The following CLRN1 variants were observed in gnomAD, a reference collection of about 807,000 sequenced individuals.
CLRN1 encodes the protein clarin 1, also known as clarin-1.
A neutral mutation model predicts 18.7 loss-of-function variants in CLRN1; 15 were observed. That is an observed-to-expected ratio of 0.80 (90% CI 0.54 to 1.23). CLRN1 has a LOEUF of 1.23. Among genes scored for constraint, CLRN1 ranks in the 50% most tolerant of loss-of-function variants. CLRN1 has a pLI of 0.00. For missense variants in CLRN1, 311 were observed against 277.5 expected, an observed-to-expected ratio of 1.12 and a Z score of -0.86; for synonymous variants, 104 against 102.9, an observed-to-expected ratio of 1.01 and a Z score of -0.07.
chr3:150,958,558 T>C (rs1362335381), intron 1 of CLRN1, among the ~76,000 whole-genome samples: 1 of 152,226 alleles, frequency 6.6e-6, no homozygotes, highest in Non-Finnish European at 1.5e-5. Flanking sequence ...CTCTCACGCA[T>C]CGTCTGTACT....
intron 1 of CLRN1, among the ~76,000 whole-genome samples, chr3:150,969,566 C>T (rs1384290893): frequency 1.3e-5 from 2 of 151,838 alleles, no homozygotes; most frequent in Admixed American, 6.6e-5. Flanking sequence ...ACCCTGTGTC[C>T]TCCCAAAGTG....
At chr3:150,939,549 G>T (rs1713687030) in intron 2 of CLRN1, among the ~76,000 whole-genome samples, 1 of 152,168 alleles carries the variant, frequency 6.6e-6, no homozygotes, top group Non-Finnish European at 1.5e-5. Context: ...CTCCTGAAGG[G>T]AGATTGTTAA....
intron 1 of CLRN1, among the ~76,000 whole-genome samples, chr3:150,959,326 A>G (rs1039775902): frequency 3.3e-5 from 5 of 152,154 alleles, no homozygotes; most frequent in African/African-American, 1.2e-4. Context: ...ATGTCAAGTA[A>G]TGTTATTTTC....
chr3:150,937,342 C>T (rs896007855), intron 2 of CLRN1, among the ~76,000 whole-genome samples: 2 of 152,122 alleles, frequency 1.3e-5, no homozygotes, highest in African/African-American at 4.8e-5. Context: ...ACATAATGGG[C>T]ACTCAGTCAA....
intron 1 of CLRN1, among the ~76,000 whole-genome samples, chr3:150,957,238 TACACAC>T (rs34726423): frequency 0.1 from 14,909 of 146,948 alleles, 849 homozygotes; most frequent in African/African-American, 0.16. Flanking sequence ...TCCCATTTTA[TACACAC>T]ACACACACAC....
chr3:150,952,198 T>C lies in CLRN1; in HGVS notation c.254-10437A>G, dbSNP rs113963475. Among the ~76,000 whole-genome samples the C allele has an allele frequency of 2.6e-5, 4 of 152,308 alleles. No homozygotes were observed. The Middle Eastern group carries it at 0.01, about 389-fold the overall frequency. ...ACGATGGTTCGATTTTTCAACATCA[T>C]GATGGTCTGAAAGTTATAAGCATTC... is the stretch of plus-strand genomic sequence containing the variant. On this transcript the variant is annotated intron_variant, in intron 1 of 2. Coordinates refer to ENST00000327047, the MANE Select transcript of CLRN1 (RefSeq NM_174878.3).
chr3:150,948,212 C>T lies in CLRN1; in HGVS notation c.254-6451G>A, dbSNP rs943113225. 2.0e-5 allele frequency among the ~76,000 whole-genome samples: 3 copies of T among 151,648 alleles called. No individual in the cohort carries two copies. The South Asian group carries it at 6.3e-4, about 32-fold the overall frequency. On this transcript the variant is annotated intron_variant, in intron 1 of 2. Coordinates refer to ENST00000327047, the MANE Select transcript of CLRN1 (RefSeq NM_174878.3). ...AACACAATTAGAAATGGGCCGGGCGCGGTGGCTCACGCCTGTAATCCCAGC... is the reference window on the plus strand; with the variant it reads ...AACACAATTAGAAATGGGCCGGGCGTGGTGGCTCACGCCTGTAATCCCAGC...
intron 1 of CLRN1, among the ~76,000 whole-genome samples, chr3:150,944,462 G>A (rs1714040291): frequency 6.6e-6 from 1 of 152,046 alleles, no homozygotes; most frequent in African/African-American, 2.4e-5. Flanking sequence ...ATCTAAGGGA[G>A]GCTATTTTCA....
intron 1 of CLRN1, chr3:150,942,762 G>GGT (rs201613555): frequency 0.048 from 13,040 of 273,220 alleles, 965 homozygotes; most frequent in East Asian, 0.28. Context: ...TCATTTAAGT[G>GGT]ACACTTCTCA....
intron 1 of CLRN1, among the ~76,000 whole-genome samples, chr3:150,953,235 A>G (rs1424131368): frequency 6.6e-6 from 1 of 152,240 alleles, no homozygotes; most frequent in African/African-American, 2.4e-5. Flanking sequence ...TCCAGAAAGT[A>G]TTTGATTAGC....
chr3:150,959,595 C>G (rs1034148407), intron 1 of CLRN1, among the ~76,000 whole-genome samples: 1 of 150,608 alleles, frequency 6.6e-6, no homozygotes, highest in Non-Finnish European at 1.5e-5. Context: ...CATCACTACC[C>G]TCCAGCCTGG....
At chr3:150,930,609 T>G (rs1243072330) in intron 2 of CLRN1, among the ~76,000 whole-genome samples, 2 of 152,218 alleles carry the variant, frequency 1.3e-5, no homozygotes, top group Admixed American at 1.3e-4. Context: ...ATTTCTTTAT[T>G]GTTAGATCCT....
intron 1 of CLRN1, among the ~76,000 whole-genome samples, chr3:150,945,087 T>A (rs998985862): frequency 1.3e-5 from 2 of 152,184 alleles, no homozygotes; most frequent in Non-Finnish European, 2.9e-5. Flanking sequence ...TGCACTTGCA[T>A]GGGCCTGATA....
chr3:150,963,279 CAGAG>C (rs1455991179), intron 1 of CLRN1, among the ~76,000 whole-genome samples: 2 of 152,150 alleles, frequency 1.3e-5, no homozygotes, highest in African/African-American at 4.8e-5. Flanking sequence ...AACAGACAAA[CAGAG>C]AGCAAACTTA....
intron 1 of CLRN1, chr3:150,942,505 A>G (rs1713915355): frequency 2.6e-6 from 1 of 383,128 alleles, no homozygotes; most frequent in African/African-American, 2.1e-5. Context: ...TGTTCATTTT[A>G]GTTCCCCAAA....
intron 2 of CLRN1, among the ~76,000 whole-genome samples, chr3:150,939,065 C>T (rs575857904): frequency 5.9e-5 from 9 of 152,218 alleles, no homozygotes; most frequent in Non-Finnish European, 1.0e-4. Context: ...TGCTAATGAG[C>T]TGTTGTGTCT....
At chr3:150,969,141 T>C (rs1410441876) in intron 1 of CLRN1, among the ~76,000 whole-genome samples, 1 of 151,118 alleles carries the variant, frequency 6.6e-6, no homozygotes, top group Non-Finnish European at 1.5e-5. Context: ...AACATCTCAA[T>C]AAATTTTTAA....
intron 1 of CLRN1, among the ~76,000 whole-genome samples, chr3:150,966,905 A>G (rs1298445231): frequency 6.6e-6 from 1 of 152,200 alleles, no homozygotes; most frequent in Non-Finnish European, 1.5e-5. Context: ...CTTGTCTAGA[A>G]CAGCGAGCCC....
intron 2 of CLRN1, among the ~76,000 whole-genome samples, chr3:150,939,619 G>A (rs1713692608): frequency 6.6e-6 from 1 of 152,144 alleles, no homozygotes; most frequent in Admixed American, 6.5e-5. Flanking sequence ...GTCTGGGGTA[G>A]GGCCTGAGAA....
Sources: gnomAD v4.1 joint callset for allele counts (sites outside exome capture counted in the v4.1 genomes callset) on GRCh38, gnomAD v4.1.1 for gene constraint, MANE v1.5 for transcripts, NCBI Gene and HGNC (gene_info 2026-07-23, HGNC 2026-07-21) for gene names.